Variants in PRUNE2 observed in about 807,000 individuals in gnomAD.
PRUNE2 encodes prune homolog 2 with BCH domain, also known as protein prune homolog 2.
A neutral mutation model predicts 252.0 loss-of-function variants in PRUNE2; 164 were observed. The ratio of observed to expected loss-of-function variants is 0.65; its 90% confidence interval spans 0.57 to 0.74. PRUNE2 has a LOEUF of 0.74. PRUNE2 is among the 30% of genes least tolerant of loss of function. The pLI is 0.00. For missense variants in PRUNE2, 3,495 were observed against 3,711.0 expected (o/e 0.94, Z 1.51); for synonymous variants, 1,292 against 1,350.2 (o/e 0.96, Z 0.94).
At chr9:76,801,892 T>G (rs533264580) in intron 6 of PRUNE2, among the ~76,000 whole-genome samples, 1 of 152,262 alleles carries the variant, frequency 6.6e-6, no homozygotes, top group African/African-American at 2.4e-5. Context: ...ACAAAAGCGT[T>G]ATGTCATTAA....
chr9:76,857,093 A>G (rs1277389134), intron 1 of PRUNE2: 1 of 455,088 alleles, frequency 2.2e-6, no homozygotes, highest in African/African-American at 2.0e-5. Context: ...TTCTCTCCTC[A>G]CTTTCCTTCA....
Position 76,707,362 on chromosome 9 carries a change from A to C in PRUNE2, c.4912T>G (p.Ser1638Ala). 6.2e-7 allele frequency: 1 copy of C among 1,613,994 alleles called. No individual in the cohort carries two copies. The highest frequency in any genetic ancestry group is 8.5e-7 in the Non-Finnish European group (1 of 1,179,870). The change falls in exon 8 of 19, where the codon TCC becomes GCC. Residue 1638 changes from serine (S) to alanine (A), a missense_variant. Coordinates refer to ENST00000376718, the MANE Select transcript of PRUNE2 (RefSeq NM_015225.3). Reference sequence around the variant, plus strand: ...GAATATTTGCCTGTTTCAGGACTGGATAAAGAGGAAAAGGAATCACCATCA... The same window carrying C: ...GAATATTTGCCTGTTTCAGGACTGGCTAAAGAGGAAAAGGAATCACCATCA... ...SVDGDSFSSL[S>A]SPETGKYSEH...
rs963494380 is a variant in PRUNE2, at chr9:76,855,560, G to A, written c.37-1352C>T. 7.9e-5 allele frequency among the ~76,000 whole-genome samples: 12 copies of A among 152,226 alleles called. No individual in the cohort carries two copies. In the South Asian group the frequency reaches 1.0e-3, roughly 13 times the overall value. Reference sequence around the variant, plus strand: ...GGAACTGCTGGTATCAGAGTCAAACGCAATAGGTTGTGGCTCAATAAATAT... The same window carrying A: ...GGAACTGCTGGTATCAGAGTCAAACACAATAGGTTGTGGCTCAATAAATAT... On this transcript the variant is annotated intron_variant, in intron 1 of 18. Transcript: ENST00000376718.
chr9:76,770,932 A>G (rs2053029016), intron 6 of PRUNE2, among the ~76,000 whole-genome samples: 2 of 152,174 alleles, frequency 1.3e-5, no homozygotes, highest in Non-Finnish European at 2.9e-5. Flanking sequence ...AAAAAATCTG[A>G]AAAAGAAGAA....
At chr9:76,683,576 T>G (rs2043727636) in intron 9 of PRUNE2, among the ~76,000 whole-genome samples, 1 of 152,192 alleles carries the variant, frequency 6.6e-6, no homozygotes, top group Non-Finnish European at 1.5e-5. Flanking sequence ...ATGTATGTTC[T>G]CAGGAAGCTT....
Position 76,826,654 on chromosome 9 carries a change from T to G in PRUNE2, c.587A>C (p.Glu196Ala). The change falls in exon 5 of 19, where the codon GAA becomes GCA. Residue 196 changes from glutamate (E) to alanine (A), a missense_variant. Coordinates refer to ENST00000376718, the MANE Select transcript of PRUNE2 (RefSeq NM_015225.3). ...EKQEEILSIL[E>A]EKFPNLPPRE... is the part of the protein sequence containing the mutation. ...TGGAGGCAAGTTAGGAAATTTTTCTTCCAGGATAGAAAGAATTTCCTCCTG... is the reference window on the plus strand; with the variant it reads ...TGGAGGCAAGTTAGGAAATTTTTCTGCCAGGATAGAAAGAATTTCCTCCTG... 6.2e-7 allele frequency: 1 copy of G among 1,612,948 alleles called. No individual in the cohort carries two copies. The highest frequency in any genetic ancestry group is 8.5e-7 in the Non-Finnish European group (1 of 1,179,402).
intron 6 of PRUNE2, among the ~76,000 whole-genome samples, chr9:76,773,438 C>CTTTT (rs35078779): frequency 1.9e-5 from 2 of 107,580 alleles, no homozygotes; most frequent in African/African-American, 3.6e-5. Context: ...ACTAGTACAT[C>CTTTT]TTTTTTTTTT....
intron 4 of PRUNE2, among the ~76,000 whole-genome samples, chr9:76,830,882 C>A (rs2058631586): frequency 6.6e-6 from 1 of 151,582 alleles, no homozygotes; most frequent in Admixed American, 6.6e-5. Flanking sequence ...CTTCAAAGGG[C>A]TAATATAAAA....
chr9:76,754,153 TA>T (rs573006530), intron 6 of PRUNE2, among the ~76,000 whole-genome samples: 1 of 151,240 alleles, frequency 6.6e-6, no homozygotes, highest in Non-Finnish European at 1.5e-5. Flanking sequence ...CCCTTAAAAA[TA>T]AAAAAAATAG....
At chr9:76,775,483 T>C (rs1292769820) in intron 6 of PRUNE2, among the ~76,000 whole-genome samples, 1 of 150,404 alleles carries the variant, frequency 6.6e-6, no homozygotes, top group Non-Finnish European at 1.5e-5. Context: ...TTTTTTTTTG[T>C]AGAGATGGGA....
intron 15 of PRUNE2, 115 bp from the exon 16 acceptor site, chr9:76,629,405 C>G (rs776391101): frequency 1.7e-4 from 97 of 561,700 alleles, no homozygotes; most frequent in Admixed American, 4.8e-4. Context: ...AGCACTCTTA[C>G]TAAGAGGCTA....
At chr9:76,686,110 A>G (rs2044057987) in intron 9 of PRUNE2, among the ~76,000 whole-genome samples, 1 of 152,228 alleles carries the variant, frequency 6.6e-6, no homozygotes, top group Admixed American at 6.5e-5. Flanking sequence ...CCTCTTGGGG[A>G]GAACTGATTC....
intron 2 of PRUNE2, among the ~76,000 whole-genome samples, chr9:76,853,217 G>T (rs1564442474): frequency 1.3e-5 from 2 of 152,284 alleles, no homozygotes; most frequent in South Asian, 4.1e-4. Flanking sequence ...CCCTAGAGCA[G>T]TTCTTGCCAC....
chr9:76,797,105 C>G (rs1195088684), intron 6 of PRUNE2, among the ~76,000 whole-genome samples: 1 of 152,054 alleles, frequency 6.6e-6, no homozygotes, highest in Non-Finnish European at 1.5e-5. Context: ...AAAGGGTTTA[C>G]TTTACATTTT....
At chr9:76,624,159 A>G (rs936114602) in intron 17 of PRUNE2, among the ~76,000 whole-genome samples, 4 of 152,132 alleles carry the variant, frequency 2.6e-5, no homozygotes, top group African/African-American at 9.7e-5. Context: ...ATGTCACACT[A>G]TATGTGGCAG....
chr9:76,838,663 A>C (rs1168623483), intron 4 of PRUNE2, among the ~76,000 whole-genome samples: 1 of 150,952 alleles, frequency 6.6e-6, no homozygotes, highest in African/African-American at 2.4e-5. Context: ...AAAAAAAAAA[A>C]AAAAAACAAA....
rs1005163290 is a variant in PRUNE2 at position 76,730,045 on chromosome 9, T to A, written c.757-16324A>T. ...AGCATTAATCTTAGAAATAACTACCTTAGTCCTATTTCATCAGTTTATTCA... is the reference window on the plus strand; with the variant it reads ...AGCATTAATCTTAGAAATAACTACCATAGTCCTATTTCATCAGTTTATTCA... On this transcript the variant is annotated intron_variant, in intron 6 of 18. Coordinates refer to ENST00000376718, the MANE Select transcript of PRUNE2 (RefSeq NM_015225.3). 3.2e-4 allele frequency among the ~76,000 whole-genome samples: 48 copies of A among 152,232 alleles called. 1 individual carries two copies. The highest frequency in any genetic ancestry group is 2.7e-3 in the Admixed American group (41 of 15,282).
At chr9:76,632,037 A>T (rs934853819) in intron 15 of PRUNE2, among the ~76,000 whole-genome samples, 2 of 152,208 alleles carry the variant, frequency 1.3e-5, no homozygotes, top group African/African-American at 4.8e-5. Flanking sequence ...TGCTTTATCC[A>T]ATCCACTGTT....
At chr9:76,625,861 G>T (rs1834466874) in intron 16 of PRUNE2, among the ~76,000 whole-genome samples, 1 of 151,922 alleles carries the variant, frequency 6.6e-6, no homozygotes, top group South Asian at 2.1e-4. Context: ...TGGTGATTTT[G>T]CTGTTCAAAT....
Sources: gnomAD v4.1 joint callset for allele counts (sites outside exome capture counted in the v4.1 genomes callset) on GRCh38, gnomAD v4.1.1 for gene constraint, MANE v1.5 for transcripts, NCBI Gene and HGNC (gene_info 2026-07-23, HGNC 2026-07-21) for gene names.